Variants in GLRA1 observed in about 807,000 individuals in gnomAD.
GLRA1 encodes the protein glycine receptor subunit alpha-1.
GLRA1 carries 37 observed loss-of-function variants against 48.3 expected under a neutral mutation model. That is an observed-to-expected ratio of 0.77 (90% CI 0.59 to 1.01). GLRA1 has a LOEUF of 1.01. Among genes scored for constraint, GLRA1 ranks in the 50% least tolerant of loss-of-function variants. The pLI is 0.00. For missense variants in GLRA1, 427 were observed against 571.0 expected (o/e 0.75, Z 2.57); for synonymous variants, 196 against 210.7 (o/e 0.93, Z 0.60).
At chr5:151,896,643 CAT>C (rs993284975) in intron 1 of GLRA1, among the ~76,000 whole-genome samples, 2 of 152,170 alleles carry the variant, frequency 1.3e-5, no homozygotes, top group African/African-American at 4.8e-5. Context: ...CAGCCTCTCC[CAT>C]ATGTTATTTA....
rs147655169 is a variant in GLRA1 at position 151,907,312 on chromosome 5, C to T, written c.57-14874G>A. On this transcript the variant is annotated intron_variant, in intron 1 of 8. Transcript: ENST00000274576. ...GTATCTGTGGCTCTCATTTATTTGG[C>T]GACACTGTCTACTCACTTCTTCACT... 1.0e-2 allele frequency among the ~76,000 whole-genome samples: 1,521 copies of T among 152,234 alleles called. 31 individuals are homozygous for T. The highest frequency in any genetic ancestry group is 0.035 in the African/African-American group (1,440 of 41,514).
intron 7 of GLRA1, among the ~76,000 whole-genome samples, chr5:151,829,511 C>G (rs1763370424): frequency 1.3e-5 from 2 of 152,166 alleles, no homozygotes; most frequent in South Asian, 4.1e-4. Context: ...CCACTAATTA[C>G]CAAAGGCTTA....
chr5:151,882,959 T>C (rs915678852), intron 3 of GLRA1, among the ~76,000 whole-genome samples: 18 of 152,162 alleles, frequency 1.2e-4, no homozygotes, highest in Non-Finnish European at 1.8e-4. Flanking sequence ...AAATTGGTTA[T>C]GTTGTAGTCA....
chr5:151,845,216 C>A (rs1343913736), intron 7 of GLRA1, among the ~76,000 whole-genome samples: 1 of 151,982 alleles, frequency 6.6e-6, no homozygotes, highest in African/African-American at 2.4e-5. Flanking sequence ...CCATTAGGAC[C>A]CTTCTCCAAT....
intron 8 of GLRA1, among the ~76,000 whole-genome samples, chr5:151,823,610 C>G (rs1704473683): frequency 6.6e-6 from 1 of 152,190 alleles, no homozygotes; most frequent in East Asian, 1.9e-4. Context: ...CTCTACGTTC[C>G]CACATCCCTG....
At chr5:151,849,953 C>T in intron 7 of GLRA1, 3 of 1,581,106 alleles carry the variant, frequency 1.9e-6, no homozygotes, top group East Asian at 4.5e-5. Context: ...CAGTAAGGAC[C>T]CTACAAGCTG....
intron 1 of GLRA1, among the ~76,000 whole-genome samples, chr5:151,899,865 C>T (rs1337832647): frequency 3.3e-5 from 5 of 152,148 alleles, no homozygotes; most frequent in African/African-American, 1.2e-4. Context: ...CCTTCCTGTC[C>T]TACCTCCCAC....
At chr5:151,843,746 T>C (rs1752582055) in intron 7 of GLRA1, among the ~76,000 whole-genome samples, 1 of 152,150 alleles carries the variant, frequency 6.6e-6, no homozygotes, top group African/African-American at 2.4e-5. Context: ...TGCAATAGAA[T>C]TGAGAGTCCA....
At chr5:151,844,618 T>G (rs368613865) in intron 7 of GLRA1, among the ~76,000 whole-genome samples, 1 of 32,026 alleles carries the variant, frequency 3.1e-5, no homozygotes, top group African/African-American at 1.4e-4. Context: ...TAGTACTCTA[T>G]CTCAAAAAAA....
intron 6 of GLRA1, among the ~76,000 whole-genome samples, chr5:151,854,705 A>T (rs926585146): frequency 6.6e-6 from 1 of 152,180 alleles, no homozygotes; most frequent in Non-Finnish European, 1.5e-5. Flanking sequence ...CTTTTGCTCT[A>T]TTGGAAATGC....
intron 3 of GLRA1, among the ~76,000 whole-genome samples, chr5:151,864,990 G>A (rs916542644): frequency 6.6e-6 from 1 of 152,166 alleles, no homozygotes; most frequent in Admixed American, 6.5e-5. Flanking sequence ...ATTCAGTAAA[G>A]AATCTGGAAT....
At chr5:151,868,508 G>A (rs62394155) in intron 3 of GLRA1, among the ~76,000 whole-genome samples, 29,415 of 152,114 alleles carry the variant, frequency 0.19, 3,545 homozygotes, top group South Asian at 0.32. Context: ...TGCATAACTA[G>A]TAAGTGACAA....
intron 1 of GLRA1, among the ~76,000 whole-genome samples, chr5:151,910,298 T>C (rs1298149098): frequency 6.6e-6 from 1 of 152,158 alleles, no homozygotes; most frequent in East Asian, 1.9e-4. Flanking sequence ...TATTAAAAAA[T>C]ATATTTTCCA....
At chr5:151,913,324 G>T (rs1203475787) in intron 1 of GLRA1, among the ~76,000 whole-genome samples, 1 of 152,216 alleles carries the variant, frequency 6.6e-6, no homozygotes, top group Admixed American at 6.5e-5. Flanking sequence ...TGGTTGGTGT[G>T]TCTTTTACAC....
chr5:151,849,396 C>CTTTCCTTTCG (rs1752818923), intron 7 of GLRA1, among the ~76,000 whole-genome samples: 1 of 5,884 alleles, frequency 1.7e-4, no homozygotes, highest in Non-Finnish European at 3.1e-4. Flanking sequence ...CTTTCCTTTC[C>CTTTCCTTTCG]TTTCCTTTCC....
At position 151,849,441 on chromosome 5, in the gene GLRA1, C is replaced by A. The variant is rs1323172210; in HGVS notation, c.912+1949G>T. ...CTTTCCTTTCCTTTCCTTTCCTTTC[C>A]TTTCCTTTCCTTTCCTTCCTTCCTT... On this transcript the variant is annotated intron_variant, in intron 7 of 8. Coordinates refer to ENST00000274576, the MANE Select transcript of GLRA1 (RefSeq NM_000171.4). Among the ~76,000 whole-genome samples, 152 of 20,670 alleles carry A rather than the reference C, an allele frequency of 7.4e-3. 4 individuals carry two copies. Among genetic ancestry groups the A allele is most frequent in the African/African-American group, 0.037 (121 of 3,284 alleles). 13.6% of individuals were successfully genotyped at this position (20,670 alleles called of 152,430 possible). A position where few individuals can be genotyped will look rare whatever the true frequency, so the allele number is the denominator to read the frequency against.
At chr5:151,832,968 A>C (rs189271263) in intron 7 of GLRA1, among the ~76,000 whole-genome samples, 2 of 152,360 alleles carry the variant, frequency 1.3e-5, no homozygotes, top group Non-Finnish European at 1.5e-5. Flanking sequence ...AAACCCTACA[A>C]GCCAGAAGAG....
At chr5:151,880,369 T>C (rs1753730269) in intron 3 of GLRA1, among the ~76,000 whole-genome samples, 1 of 152,226 alleles carries the variant, frequency 6.6e-6, no homozygotes, top group African/African-American at 2.4e-5. Flanking sequence ...ACTCAAACCC[T>C]GGTCTCCTGA....
chr5:151,860,387 T>C (rs1043244406), intron 3 of GLRA1, among the ~76,000 whole-genome samples: 1 of 152,190 alleles, frequency 6.6e-6, no homozygotes, highest in South Asian at 2.1e-4. Flanking sequence ...AAAAATACAT[T>C]GCAGATAAAT....
Sources: gnomAD v4.1 joint callset for allele counts (sites outside exome capture counted in the v4.1 genomes callset) on GRCh38, gnomAD v4.1.1 for gene constraint, MANE v1.5 for transcripts, NCBI Gene and HGNC (gene_info 2026-07-23, HGNC 2026-07-21) for gene names.